Variants in TENM4 observed in about 807,000 individuals in gnomAD.
TENM4 encodes teneurin transmembrane protein 4.
TENM4 carries 82 observed loss-of-function variants against 243.3 expected under a neutral mutation model. That is an observed-to-expected ratio of 0.34 (90% confidence interval 0.28 to 0.40). The LOEUF (loss-of-function observed/expected upper bound fraction) is 0.40. Ranked by LOEUF, TENM4 falls within the 10% of genes least tolerant of loss-of-function variation. The pLI is 1.00. For missense variants in TENM4, 3,138 were observed against 3,673.3 expected (o/e 0.85, Z 3.77); for synonymous variants, 1,412 against 1,456.3 (o/e 0.97, Z 0.69).
chr11:79,105,453 T>TGG (rs1320661484), intron 4 of TENM4, among the ~76,000 whole-genome samples: 4 of 152,250 alleles, frequency 2.6e-5, no homozygotes, highest in African/African-American at 4.8e-5. Context: ...AGCTCTGCCC[T>TGG]GCCTGCCTTC....
chr11:79,332,646 C>T (rs1345786480), intron 1 of TENM4, among the ~76,000 whole-genome samples: 2 of 152,152 alleles, frequency 1.3e-5, no homozygotes, highest in African/African-American at 4.8e-5. Context: ...TTTGGATATC[C>T]AATGTTGTTG....
chr11:78,804,287 C>G (rs1205969856), intron 15 of TENM4, among the ~76,000 whole-genome samples: 1 of 152,136 alleles, frequency 6.6e-6, no homozygotes, highest in African/African-American at 2.4e-5. Flanking sequence ...TTGTTGTTCC[C>G]CTCCCCTTTC....
At chr11:78,917,000 T>C (rs1323249023) in intron 6 of TENM4, among the ~76,000 whole-genome samples, 2 of 152,214 alleles carry the variant, frequency 1.3e-5, no homozygotes, top group African/African-American at 2.4e-5. Flanking sequence ...CTCGGCTACA[T>C]GCACTGAGCA....
At chr11:79,352,535 T>C (rs1228453049) in intron 1 of TENM4, among the ~76,000 whole-genome samples, 1 of 152,222 alleles carries the variant, frequency 6.6e-6, no homozygotes, top group Non-Finnish European at 1.5e-5. Flanking sequence ...CATGACTGCC[T>C]GCAGCAAATT....
chr11:79,247,862 T>C (rs1855546818), intron 2 of TENM4, among the ~76,000 whole-genome samples: 1 of 152,242 alleles, frequency 6.6e-6, no homozygotes, highest in Non-Finnish European at 1.5e-5. Flanking sequence ...CTTAGAGTTA[T>C]ATGTTCTTTC....
intron 15 of TENM4, among the ~76,000 whole-genome samples, chr11:78,791,584 T>A (rs948069919): frequency 6.6e-6 from 1 of 152,208 alleles, no homozygotes; most frequent in Non-Finnish European, 1.5e-5. Flanking sequence ...GCACTGGAGA[T>A]CCCATGGTGA....
chr11:78,965,702 C>T (rs978762713), intron 6 of TENM4, among the ~76,000 whole-genome samples: 5 of 152,330 alleles, frequency 3.3e-5, no homozygotes, highest in African/African-American at 9.6e-5. Flanking sequence ...CTTTCTCCTA[C>T]GCATTCCCTG....
At chr11:79,129,659 T>C (rs2137156655) in intron 4 of TENM4, among the ~76,000 whole-genome samples, 2 of 152,152 alleles carry the variant, frequency 1.3e-5, no homozygotes, top group East Asian at 1.9e-4. Flanking sequence ...GGGGCAGCCA[T>C]AGTCCGCCCA....
At chr11:78,929,731 A>AT (rs1031014654) in intron 6 of TENM4, among the ~76,000 whole-genome samples, 10 of 152,204 alleles carry the variant, frequency 6.6e-5, no homozygotes, top group Middle Eastern at 3.4e-3. Flanking sequence ...GTGGCTGTAG[A>AT]TTTTCTCTTC....
chr11:79,035,215 T>C (rs1173660372), intron 6 of TENM4, among the ~76,000 whole-genome samples: 1 of 152,244 alleles, frequency 6.6e-6, no homozygotes, highest in Non-Finnish European at 1.5e-5. Flanking sequence ...CAGCCTCTGC[T>C]GCTCGGCTGT....
chr11:78,705,066 T>C (rs1859211985), intron 27 of TENM4, among the ~76,000 whole-genome samples: 3 of 152,378 alleles, frequency 2.0e-5, no homozygotes. Flanking sequence ...GGCAGTGTCG[T>C]GGCAGCTTTT....
rs892701219 is a variant in TENM4 at position 78,899,215 on chromosome 11, C to T, written c.749+4053G>A. Among the ~76,000 whole-genome samples the T allele has an allele frequency of 9.9e-5, 15 of 152,082 alleles. No individual in the cohort carries two copies. In the South Asian group the frequency reaches 1.5e-3, roughly 15 times the overall value. ...GCCACTGAGTATGAAGCACAATTAC[C>T]CTGCTAGGAAGCCTATTTGGAGAGG... On this transcript the variant is annotated intron_variant, in intron 7 of 33. Transcript: ENST00000278550.
chr11:79,389,258 C>T (rs531610715), intron 1 of TENM4, among the ~76,000 whole-genome samples: 195 of 152,290 alleles, frequency 1.3e-3, no homozygotes, highest in African/African-American at 4.5e-3. Flanking sequence ...TGGGTTCAAG[C>T]CATCCTCCTG....
intron 1 of TENM4, among the ~76,000 whole-genome samples, chr11:79,356,136 A>C (rs1857493246): frequency 6.6e-6 from 1 of 152,182 alleles, no homozygotes; most frequent in Non-Finnish European, 1.5e-5. Context: ...GGTGCCCATC[A>C]GCAGATCCCT....
intron 6 of TENM4, among the ~76,000 whole-genome samples, chr11:78,983,711 A>G (rs879888555): frequency 4.1e-5 from 6 of 145,806 alleles, no homozygotes; most frequent in Non-Finnish European, 7.6e-5. Flanking sequence ...GAATCAGAAG[A>G]CACGGCAGGG....
intron 1 of TENM4, among the ~76,000 whole-genome samples, chr11:79,324,492 T>C (rs1253958841): frequency 6.6e-6 from 1 of 152,190 alleles, no homozygotes; most frequent in East Asian, 1.9e-4. Flanking sequence ...CACAAAATGC[T>C]GAGATTACAG....
chr11:79,083,577 A>G (rs1860732206), intron 4 of TENM4, among the ~76,000 whole-genome samples: 2 of 152,128 alleles, frequency 1.3e-5, no homozygotes, highest in Non-Finnish European at 2.9e-5. Context: ...CGTGACAGGG[A>G]GCTTACTCCT....
At chr11:78,863,215 G>A in intron 9 of TENM4, 83 bp from the exon 10 acceptor site, 1 of 1,392,894 alleles carries the variant, frequency 7.2e-7, no homozygotes, top group Non-Finnish European at 9.5e-7. Context: ...AGGTGGGCAG[G>A]GTGGGGGAAC....
At chr11:78,761,995 T>A (rs931578580) in intron 18 of TENM4, among the ~76,000 whole-genome samples, 7 of 152,176 alleles carry the variant, frequency 4.6e-5, no homozygotes, top group Non-Finnish European at 1.0e-4. Flanking sequence ...GTTTCTAGAA[T>A]CCAGGGCTCC....
Sources: allele counts gnomAD v4.1 joint callset (sites outside exome capture counted in the v4.1 genomes callset), GRCh38; gene constraint gnomAD v4.1.1; transcripts MANE v1.5; gene names NCBI Gene and HGNC (gene_info 2026-07-23, HGNC 2026-07-21).